NCKAP5: variants seen among roughly 807,000 people sequenced by gnomAD.
NCKAP5 encodes nck-associated protein 5.
A neutral mutation model predicts 167.0 loss-of-function variants in NCKAP5; 92 were observed. The ratio of observed to expected loss-of-function variants is 0.55; its 90% CI spans 0.47 to 0.66. The LOEUF is 0.66. Ranked by LOEUF, NCKAP5 falls within the 30% of genes least tolerant of loss-of-function variation. The pLI is 0.00. For missense variants in NCKAP5, 2,378 were observed against 2,315.0 expected, an observed-to-expected ratio of 1.03 and a Z score of -0.56; for synonymous variants, 891 against 877.4, an observed-to-expected ratio of 1.02 and a Z score of -0.27.
At chr2:132,876,908 A>G (rs1691327066) in intron 9 of NCKAP5, among the ~76,000 whole-genome samples, 1 of 152,166 alleles carries the variant, frequency 6.6e-6, no homozygotes, top group Non-Finnish European at 1.5e-5. Context: ...AAGAAATGTG[A>G]GTGTTTTGAT....
At chr2:132,895,280 G>C (rs1359064609) in intron 8 of NCKAP5, among the ~76,000 whole-genome samples, 3 of 149,370 alleles carry the variant, frequency 2.0e-5, no homozygotes, top group African/African-American at 4.9e-5. Context: ...GCGGTGAGCC[G>C]AGATCGCGTC....
the NCKAP5 span, among the ~76,000 whole-genome samples, chr2:133,593,215 T>A: frequency 6.6e-6 from 1 of 152,226 alleles, no homozygotes; most frequent in Admixed American, 6.5e-5. Flanking sequence ...CATAGATAGA[T>A]GATATACACT....
intron 3 of NCKAP5, among the ~76,000 whole-genome samples, chr2:133,388,856 T>C (rs892635272): frequency 1.3e-5 from 2 of 152,232 alleles, no homozygotes; most frequent in Non-Finnish European, 2.9e-5. Flanking sequence ...TATAATCTCC[T>C]GGTGTGCTGT....
rs564198836 is a variant in NCKAP5 at position 132,997,935 on chromosome 2, G to A, written c.342-3696C>T. On this transcript the variant is annotated intron_variant, in intron 6 of 19. Transcript: ENST00000409261. ...TATCAGATTTTCCATCATGTTTGCC[G>A]AACTATCATAAACAAGGAAGTAATG... is the stretch of plus-strand genomic sequence containing the variant. Among the ~76,000 whole-genome samples the A allele has an allele frequency of 7.9e-5, 12 of 152,018 alleles. No individual in the cohort carries two copies. The East Asian group carries it at 1.7e-3, about 22-fold the overall frequency.
intron 4 of NCKAP5, among the ~76,000 whole-genome samples, chr2:133,243,088 C>T (rs563515461): frequency 6.6e-6 from 1 of 150,398 alleles, no homozygotes; most frequent in East Asian, 1.9e-4. Flanking sequence ...TTTGAGAAAT[C>T]CTTCTTCATA....
chr2:133,319,154 C>CG (rs111855340), intron 3 of NCKAP5, among the ~76,000 whole-genome samples: 99 of 149,692 alleles, frequency 6.6e-4, no homozygotes, highest in African/African-American at 2.4e-3. Flanking sequence ...CCCCTCCCCC[C>CG]CCGCCCCCTT....
intron 3 of NCKAP5, among the ~76,000 whole-genome samples, chr2:133,490,452 AATGTT>A (rs1681341178): frequency 6.6e-6 from 1 of 152,326 alleles, no homozygotes; most frequent in East Asian, 1.9e-4. Context: ...CTGTGGTAAC[AATGTT>A]ATGTGGAGAA....
chr2:133,061,340 TA>T (rs1290275732), intron 6 of NCKAP5, among the ~76,000 whole-genome samples: 3 of 152,330 alleles, frequency 2.0e-5, no homozygotes, highest in East Asian at 3.9e-4. Flanking sequence ...GCCCCCACGC[TA>T]GGCACCGTAC....
At chr2:132,678,246 G>A (rs1684757674) in intron 19 of NCKAP5, among the ~76,000 whole-genome samples, 1 of 152,126 alleles carries the variant, frequency 6.6e-6, no homozygotes, top group Admixed American at 6.5e-5. Flanking sequence ...TCATGGTAGA[G>A]GAGAACAAAT....
intron 11 of NCKAP5, among the ~76,000 whole-genome samples, chr2:132,841,691 CT>C (rs1202399331): frequency 6.6e-5 from 10 of 151,942 alleles, no homozygotes; most frequent in Non-Finnish European, 4.4e-5. Context: ...TCCATCTATT[CT>C]GTTGTACATA....
At chr2:133,462,470 A>G (rs1351617815) in intron 3 of NCKAP5, among the ~76,000 whole-genome samples, 1 of 152,148 alleles carries the variant, frequency 6.6e-6, no homozygotes, top group African/African-American at 2.4e-5. Context: ...TTTAACCAGC[A>G]TTTTAGTTTT....
intron 3 of NCKAP5, among the ~76,000 whole-genome samples, chr2:133,379,913 G>A (rs551039883): frequency 5.3e-5 from 8 of 152,196 alleles, no homozygotes; most frequent in East Asian, 3.9e-4. Context: ...CAGTGCAACC[G>A]AAATACCAGC....
intron 3 of NCKAP5, among the ~76,000 whole-genome samples, chr2:133,431,974 ATTTG>A (rs555227473): frequency 1.3e-5 from 2 of 152,270 alleles, no homozygotes; most frequent in African/African-American, 4.8e-5. Context: ...GAAGAAATAA[ATTTG>A]TTTCTCTCTG....
chr2:133,598,852 T>C, the NCKAP5 span, among the ~76,000 whole-genome samples: 1 of 152,180 alleles, frequency 6.6e-6, no homozygotes, highest in Non-Finnish European at 1.5e-5. Context: ...GAAGTCAAAA[T>C]CAAGGTGTCA....
At chr2:133,216,107 G>A (rs949905451) in intron 4 of NCKAP5, among the ~76,000 whole-genome samples, 2 of 152,012 alleles carry the variant, frequency 1.3e-5, no homozygotes, top group African/African-American at 4.8e-5. Flanking sequence ...GAGACTAATA[G>A]AAACATATAT....
At chr2:133,575,614 G>A in the NCKAP5 span, among the ~76,000 whole-genome samples, 1 of 152,162 alleles carries the variant, frequency 6.6e-6, no homozygotes, top group Non-Finnish European at 1.5e-5. Context: ...AGGCTTTTGA[G>A]TGTTACAATA....
intron 5 of NCKAP5, among the ~76,000 whole-genome samples, chr2:133,195,123 C>A (rs2085383149): frequency 6.6e-6 from 1 of 152,078 alleles, no homozygotes; most frequent in Admixed American, 6.6e-5. Context: ...CAGTAAAAAG[C>A]CGCCTCACTT....
At chr2:132,955,274 C>T (rs996521219) in intron 8 of NCKAP5, among the ~76,000 whole-genome samples, 4 of 152,174 alleles carry the variant, frequency 2.6e-5, no homozygotes, top group Non-Finnish European at 4.4e-5. Context: ...CAGGGGAGCC[C>T]TCAAAGGTGG....
chr2:133,673,651 A>G, the NCKAP5 span, among the ~76,000 whole-genome samples: 1 of 152,202 alleles, frequency 6.6e-6, no homozygotes, highest in East Asian at 1.9e-4. Context: ...TGCTGTTGCA[A>G]GTTTCCTTAA....
Sources: allele counts gnomAD v4.1 joint callset (sites outside exome capture counted in the v4.1 genomes callset), GRCh38; gene constraint gnomAD v4.1.1; transcripts MANE v1.5; gene names NCBI Gene and HGNC (gene_info 2026-07-23, HGNC 2026-07-21).